The following THADA variants were observed in gnomAD, a reference collection of about 807,000 sequenced individuals.
THADA encodes the protein tRNA (32-2'-O)-methyltransferase regulator THADA.
Under a neutral mutation model 219.8 loss-of-function variants are expected in THADA, and 213 were observed. The ratio of observed to expected loss-of-function variants is 0.97; its 90% CI spans 0.87 to 1.09. THADA has a LOEUF of 1.09. Ranked by LOEUF, THADA falls within the 50% of genes least tolerant of loss-of-function variation. The pLI is 0.00. For synonymous variants in THADA, 1,018 were observed against 828.9 expected (o/e 1.23, Z -3.92); for missense variants, 2,956 against 2,311.3 (o/e 1.28, Z -5.72).
chr2:43,332,955 G>C (rs925445921), intron 30 of THADA, among the ~76,000 whole-genome samples: 17 of 152,168 alleles, frequency 1.1e-4, no homozygotes, highest in Admixed American at 5.9e-4. Flanking sequence ...CTTTGATCTT[G>C]GACGACTTGC....
chr2:43,512,039 G>A (rs554502476), intron 22 of THADA, among the ~76,000 whole-genome samples: 60 of 152,292 alleles, frequency 3.9e-4, no homozygotes, highest in African/African-American at 1.4e-3. Context: ...CTTGAGTATT[G>A]CATACTAAGA....
intron 9 of THADA, 105 bp downstream of exon 9, chr2:43,578,408 A>T: frequency 1.3e-6 from 1 of 755,952 alleles, no homozygotes. Flanking sequence ...TGGCCTCCCA[A>T]AGTGTTGGGA....
chr2:43,535,960 C>T (rs372509612), intron 21 of THADA, among the ~76,000 whole-genome samples: 6 of 151,894 alleles, frequency 4.0e-5, no homozygotes, highest in East Asian at 2.0e-4. Context: ...GCACACCACA[C>T]GCCCAGCTAA....
intron 34 of THADA, 148 bp from the exon 35 acceptor site, chr2:43,287,209 A>G: frequency 1.5e-6 from 1 of 659,380 alleles, no homozygotes. Flanking sequence ...TTTCGATTCC[A>G]ACTAGAGAGA....
chr2:43,586,699 T>C lies in THADA; in HGVS notation c.484+3A>G, dbSNP rs768493269. ...TGGAACAAAATAAAATAATAGGACTTACCATTTTTAAGCAGATTATTAACA... is the reference window on the plus strand; with the variant it reads ...TGGAACAAAATAAAATAATAGGACTCACCATTTTTAAGCAGATTATTAACA... On this transcript the variant is annotated splice_donor_region_variant and intron_variant, in intron 6 of 37. Transcript: ENST00000405975. 4 of 1,610,652 alleles carry C rather than the reference T, an allele frequency of 2.5e-6. No homozygotes were observed. In the African/African-American group the frequency reaches 4.0e-5, roughly 16 times the overall value.
intron 36 of THADA, among the ~76,000 whole-genome samples, chr2:43,266,402 T>A (rs1572840220): frequency 6.6e-6 from 1 of 152,118 alleles, no homozygotes; most frequent in East Asian, 1.9e-4. Flanking sequence ...CCATCCTGGC[T>A]AACACGGTGA....
intron 29 of THADA, among the ~76,000 whole-genome samples, chr2:43,393,569 G>T (rs577725450): frequency 4.6e-5 from 7 of 152,126 alleles, no homozygotes; most frequent in Admixed American, 3.9e-4. Flanking sequence ...TTGGCCAGCC[G>T]TGGTGGCAGG....
At chr2:43,274,861 A>C (rs1672534738) in intron 36 of THADA, among the ~76,000 whole-genome samples, 2 of 152,088 alleles carry the variant, frequency 1.3e-5, no homozygotes, top group South Asian at 4.1e-4. Context: ...AGTTTCTACC[A>C]AGAAGTCATC....
At chr2:43,574,284 C>T (rs1408909465) in intron 11 of THADA, 52 bp downstream of exon 11, 18 of 1,252,892 alleles carry the variant, frequency 1.4e-5, no homozygotes, top group African/African-American at 3.0e-5. Flanking sequence ...TAGCTACCTA[C>T]ATTTAAGCAT....
intron 26 of THADA, among the ~76,000 whole-genome samples, chr2:43,467,181 C>CAAAAAAAAA (rs70963399): frequency 1.0e-4 from 6 of 58,396 alleles, no homozygotes; most frequent in Non-Finnish European, 1.3e-4. Context: ...GACTCCGTCT[C>CAAAAAAAAA]AAAAAAAAAA....
chr2:43,556,535 GC>G lies in THADA; in HGVS notation c.2483del (p.Gly828AlafsTer19), dbSNP rs1160255463. 2.5e-6 allele frequency: 4 copies of G among 1,613,638 alleles called. No homozygotes were observed. In the Admixed American group the frequency reaches 5.0e-5, roughly 20 times the overall value. ...TGAGCTCCAATGCTGCCTGAAATAA[GC>G]CTTGCAGTTTCCCCGAATCCTAGAA... is the stretch of plus-strand genomic sequence containing the variant. ...VHFQDSGKLQ[G>X]LFQAALELST... On this transcript the variant is annotated frameshift_variant, in exon 17 of 38. Transcript: ENST00000405975. LOFTEE classifies it high-confidence loss of function.
chr2:43,484,973 T>A (rs1686726559), intron 26 of THADA, among the ~76,000 whole-genome samples: 1 of 151,884 alleles, frequency 6.6e-6, no homozygotes, highest in South Asian at 2.1e-4. Context: ...CACTAGCTTT[T>A]GCATGGAGAA....
Position 43,574,644 on chromosome 2 carries a change from T to A in THADA, c.1421A>T (p.Asp474Val). The change falls in exon 11 of 38, where the codon GAT (aspartate) becomes GTT (valine). Residue 474 changes from aspartate (D) to valine (V), a missense_variant. Coordinates refer to ENST00000405975, the MANE Select transcript of THADA (RefSeq NM_022065.5). ...CIGVEHILAI[D>V]KTIPSQILEV... The stretch of plus-strand genomic sequence containing the variant: ...TAAGATTTGAGATGGAATAGTTTTA[T>A]CTATAGCCAAAATATGTTCAACTCC... The A allele has an allele frequency of 1.2e-6, 2 of 1,614,004 alleles. No homozygotes were observed. The highest frequency in any genetic ancestry group is 1.7e-6 in the Non-Finnish European group (2 of 1,179,890).
At chr2:43,393,164 T>C (rs1038679606) in intron 29 of THADA, among the ~76,000 whole-genome samples, 3 of 151,660 alleles carry the variant, frequency 2.0e-5, no homozygotes, top group Non-Finnish European at 2.9e-5. Context: ...GAGGGGAGGG[T>C]ACAATATACC....
rs147354909 is a variant in THADA at position 43,408,510 on chromosome 2, A to G, written c.4059-10371T>C. On this transcript the variant is annotated intron_variant, in intron 28 of 37. Coordinates refer to ENST00000405975, the MANE Select transcript of THADA (RefSeq NM_022065.5). ...TTGGGTGTAGAAGAAATACACAGTC[A>G]TCAGCTTTAAGTGACTTTTTTGGTG... The G allele has an allele frequency of 1.1e-4, 16 of 152,358 alleles. No individual in the cohort carries two copies. In the East Asian group the frequency reaches 3.1e-3, roughly 29 times the overall value. The allele number at this position is 152,358 out of a possible 1,614,324, so 9.4% of individuals were successfully genotyped here. A position where few individuals can be genotyped will look rare whatever the true frequency, so the allele number is the denominator to read the frequency against.
At chr2:43,307,591 T>A (rs185173953) in intron 31 of THADA, among the ~76,000 whole-genome samples, 1 of 152,310 alleles carries the variant, frequency 6.6e-6, no homozygotes, top group African/African-American at 2.4e-5. Context: ...CTCAGAAGGA[T>A]CCTGTTAGAG....
At chr2:43,509,074 G>T (rs1244700593) in intron 22 of THADA, among the ~76,000 whole-genome samples, 1 of 152,116 alleles carries the variant, frequency 6.6e-6, no homozygotes, top group Non-Finnish European at 1.5e-5. Flanking sequence ...GTTGATCATG[G>T]TCTCACAGAT....
intron 4 of THADA, among the ~76,000 whole-genome samples, chr2:43,590,405 C>T (rs1209180899): frequency 6.6e-6 from 1 of 152,068 alleles, no homozygotes; most frequent in Non-Finnish European, 1.5e-5. Flanking sequence ...AGGCTGGGCG[C>T]AGTGGCTCAC....
chr2:43,412,438 A>C (rs1278821077), intron 28 of THADA, among the ~76,000 whole-genome samples: 1 of 152,186 alleles, frequency 6.6e-6, no homozygotes, highest in African/African-American at 2.4e-5. Flanking sequence ...AACAATCTGG[A>C]TCACTTCTGT....
Sources: gnomAD v4.1 joint callset for allele counts (sites outside exome capture counted in the v4.1 genomes callset) on GRCh38, gnomAD v4.1.1 for gene constraint, MANE v1.5 for transcripts, NCBI Gene and HGNC (gene_info 2026-07-23, HGNC 2026-07-21) for gene names.